Variants in ZNF236 observed in about 807,000 individuals in gnomAD.
ZNF236 encodes zinc finger protein 236.
ZNF236 carries 50 observed loss-of-function variants against 191.2 expected under a neutral mutation model. The observed-to-expected ratio is 0.26, with a 90% CI of 0.21 to 0.33. ZNF236 has a LOEUF of 0.33. Among genes scored for constraint, ZNF236 ranks in the 10% least tolerant of loss-of-function variants. The probability of loss-of-function intolerance (pLI) is 1.00; values close to 1 mark genes in which losing one functional copy is unlikely to be tolerated. For missense variants in ZNF236, 1,754 were observed against 2,374.5 expected (o/e 0.74, Z 5.43); for synonymous variants, 907 against 928.8 (o/e 0.98, Z 0.43).
chr18:76,960,768 C>G lies in ZNF236; in HGVS notation c.5332C>G (p.Arg1778Gly). The G allele has an allele frequency of 6.2e-7, 1 of 1,614,148 alleles. No homozygotes were observed. Among genetic ancestry groups the G allele is most frequent in the Non-Finnish European group, 8.5e-7 (1 of 1,180,014 alleles). ...GCACATGAAGAAGCACACGGGGGAG[C>G]GGCCCTACAAGTGTGCCTACTGCGT... ...QVHMKKHTGE[R>G]PYKCAYCVMG... is the part of the protein sequence containing the mutation. The change falls in exon 30 of 31, where the codon CGG becomes GGG. Residue 1778 changes from arginine to glycine, a missense_variant. By Grantham distance (125) the Arg-to-Gly change is moderately radical. This residue lies in a region of ZNF236 where 606 missense variants were observed against 761.5 expected (regional missense o/e 0.80). Coordinates refer to ENST00000320610, the MANE Select transcript of ZNF236 (RefSeq NM_001306089.2). The surrounding 1 kb of genome is among the most constrained non-coding windows in gnomAD (Gnocchi z 4.4).
chr18:76,919,146 C>T lies in ZNF236; in HGVS notation c.3275-630C>T, dbSNP rs1050948385. On this transcript the variant is annotated intron_variant, in intron 19 of 30. Coordinates refer to ENST00000320610, the MANE Select transcript of ZNF236 (RefSeq NM_001306089.2). This position sits in a 1 kb window ranked among gnomAD's most constrained non-coding sequence, Gnocchi z 5.3. ...AATGAATATCTATATTTATGAATAC[C>T]GGTAGCTTGTGTGGACACTGTCAGC... Among the ~76,000 whole-genome samples, 18 of 152,120 alleles carry T rather than the reference C, an allele frequency of 1.2e-4. No homozygotes were observed. The highest frequency in any genetic ancestry group is 1.0e-3 in the Admixed American group (16 of 15,266).
At chr18:76,930,476 G>A (rs933334197) in intron 25 of ZNF236, among the ~76,000 whole-genome samples, 7 of 152,104 alleles carry the variant, frequency 4.6e-5, no homozygotes, top group African/African-American at 1.4e-4. Context: ...TTCATTTCTA[G>A]TTGCCATACT....
chr18:76,937,844 C>T (rs115536000), intron 26 of ZNF236, among the ~76,000 whole-genome samples: 143 of 152,146 alleles, frequency 9.4e-4, no homozygotes, highest in African/African-American at 3.2e-3. Flanking sequence ...TTAAATGATT[C>T]GTTGAGCTAA....
In ZNF236 at chr18:76,960,490, C is replaced by T. The variant is rs1402173941; in HGVS notation, c.5243-189C>T. Among the ~76,000 whole-genome samples the T allele has an allele frequency of 2.0e-5, 3 of 152,100 alleles. No individual in the cohort carries two copies. The highest frequency in any genetic ancestry group is 4.8e-5 in the African/African-American group (2 of 41,418). On this transcript the variant is annotated intron_variant, in intron 29 of 30. Transcript: ENST00000320610. The surrounding 1 kb of genome is among the most constrained non-coding windows in gnomAD (Gnocchi z 4.4). ...TCCCTCCGCCCCATCTGCTGGGGGTCGTTAGGACCTGGCCAGGCTCCCTCT... is the reference window on the plus strand; with the variant it reads ...TCCCTCCGCCCCATCTGCTGGGGGTTGTTAGGACCTGGCCAGGCTCCCTCT...
chr18:76,929,275 T>G (rs1967788358), intron 25 of ZNF236, among the ~76,000 whole-genome samples: 1 of 152,124 alleles, frequency 6.6e-6, no homozygotes, highest in African/African-American at 2.4e-5. Flanking sequence ...CAGTGGTTTT[T>G]AGATGCTGTT....
chr18:76,898,372 A>G (rs540254337), intron 10 of ZNF236, among the ~76,000 whole-genome samples: 2 of 152,350 alleles, frequency 1.3e-5, no homozygotes, highest in African/African-American at 4.8e-5. Flanking sequence ...TCCCTCAGGG[A>G]TCCTCCTCTG....
At chr18:76,852,494 T>C (rs778328004) in intron 3 of ZNF236, among the ~76,000 whole-genome samples, 5 of 152,074 alleles carry the variant, frequency 3.3e-5, no homozygotes, top group Non-Finnish European at 7.4e-5. Context: ...CCAATGGCTA[T>C]TGCTTAAAAA....
chr18:76,936,477 C>G (rs1403702423), intron 25 of ZNF236: 3 of 450,998 alleles, frequency 6.7e-6, no homozygotes, highest in Non-Finnish European at 1.3e-5. Flanking sequence ...TTTCGTTTCT[C>G]TTAGTATCGG....
At chr18:76,934,890 GT>G (rs1267768753) in intron 25 of ZNF236, among the ~76,000 whole-genome samples, 8 of 152,216 alleles carry the variant, frequency 5.3e-5, no homozygotes, top group Non-Finnish European at 1.0e-4. Context: ...AAGCTATGAG[GT>G]GATATCCCAA....
chr18:76,941,438 G>A (rs1361141353), intron 26 of ZNF236, among the ~76,000 whole-genome samples: 1 of 152,174 alleles, frequency 6.6e-6, no homozygotes, highest in Non-Finnish European at 1.5e-5. Flanking sequence ...GCTACGCCAC[G>A]TGGACTTGGG....
chr18:76,897,500 A>G (rs570816923), intron 10 of ZNF236, among the ~76,000 whole-genome samples: 92 of 151,946 alleles, frequency 6.1e-4, no homozygotes, highest in Non-Finnish European at 1.0e-3. Context: ...ATAGTACCAC[A>G]CACACAGTAT....
rs371541694 is a variant in ZNF236 at position 76,912,382 on chromosome 18, C to T, written c.2909+35C>T. On this transcript the variant is annotated intron_variant, in intron 17 of 30. Transcript: ENST00000320610. ...TGCACAGACCAGCTCATGGTATTGC[C>T]GGCTCCCAGGAACGGATGCTGCTGT... 57 of 1,527,116 alleles carry T rather than the reference C, an allele frequency of 3.7e-5. No homozygotes were observed. In the African/African-American group the frequency reaches 5.3e-4, roughly 14 times the overall value. The allele number at this position is 1,527,116 out of a possible 1,614,324, so 94.6% of individuals were successfully genotyped here.
At chr18:76,829,603 A>C (rs1007666211) in intron 1 of ZNF236, among the ~76,000 whole-genome samples, 1 of 152,244 alleles carries the variant, frequency 6.6e-6, no homozygotes, top group Non-Finnish European at 1.5e-5. Flanking sequence ...TTGGGATTAC[A>C]GGCATGAGCC....
chr18:76,934,321 C>T (rs1967939330), intron 25 of ZNF236, among the ~76,000 whole-genome samples: 1 of 152,202 alleles, frequency 6.6e-6, no homozygotes, highest in South Asian at 2.1e-4. Flanking sequence ...AACATCCATT[C>T]CCAAATCTGA....
chr18:76,906,726 G>A (rs3794869), intron 13 of ZNF236, among the ~76,000 whole-genome samples: 35,941 of 152,106 alleles, frequency 0.24, 5,329 homozygotes, highest in East Asian at 0.33. Flanking sequence ...TTTGTCATCA[G>A]TTTCGAGGGA....
At chr18:76,897,417 C>T (rs1322238199) in intron 10 of ZNF236, among the ~76,000 whole-genome samples, 1 of 151,560 alleles carries the variant, frequency 6.6e-6, no homozygotes, top group African/African-American at 2.4e-5. Flanking sequence ...GTACTGCATA[C>T]AGTACTAAAC....
At chr18:76,931,997 A>G (rs1054968993) in intron 25 of ZNF236, among the ~76,000 whole-genome samples, 3 of 152,218 alleles carry the variant, frequency 2.0e-5, no homozygotes, top group Non-Finnish European at 2.9e-5. Flanking sequence ...TTATTCCATA[A>G]AAGATTATAG....
At chr18:76,921,845 ATAG>A (rs1967545868) in intron 20 of ZNF236, among the ~76,000 whole-genome samples, 1 of 137,694 alleles carries the variant, frequency 7.3e-6, no homozygotes, top group Non-Finnish European at 1.5e-5. Flanking sequence ...GGACGTTCTT[ATAG>A]CTGTGTTTTC....
intron 1 of ZNF236, among the ~76,000 whole-genome samples, chr18:76,846,345 G>A (rs1056916899): frequency 6.6e-6 from 1 of 152,236 alleles, no homozygotes; most frequent in Non-Finnish European, 1.5e-5. Flanking sequence ...GACCAAAGGT[G>A]TTATTTGAGG....
Sources: gnomAD v4.1 joint callset for allele counts (sites outside exome capture counted in the v4.1 genomes callset) on GRCh38, gnomAD v4.1.1 for gene constraint, gnomAD v4.1.1 regional missense constraint, Gnocchi (gnomAD v3.1) non-coding constraint, MANE v1.5 for transcripts, NCBI Gene and HGNC (gene_info 2026-07-23, HGNC 2026-07-21) for gene names.